Variants in HTRA3 observed in about 807,000 individuals in gnomAD.
HTRA3 encodes HtrA serine peptidase 3.
A neutral mutation model predicts 43.2 loss-of-function variants in HTRA3; 41 were observed. The ratio of observed to expected loss-of-function variants is 0.95; its 90% CI spans 0.74 to 1.23. The LOEUF is 1.23. Ranked by LOEUF, HTRA3 falls within the 50% of genes most tolerant of loss-of-function variation. The pLI, the probability that HTRA3 is intolerant of heterozygous loss-of-function variation, is 0.00. For missense variants in HTRA3, 628 were observed against 647.1 expected (o/e 0.97, Z 0.32); for synonymous variants, 295 against 287.9 (o/e 1.02, Z -0.25).
chr4:8,300,110 G>T (rs372394218), intron 6 of HTRA3, among the ~76,000 whole-genome samples: 1 of 152,340 alleles, frequency 6.6e-6, no homozygotes, highest in East Asian at 1.9e-4. Context: ...AGAGTGCTGG[G>T]ATTACAGGCA....
intron 6 of HTRA3, among the ~76,000 whole-genome samples, chr4:8,300,755 A>T (rs994361500): frequency 1.3e-5 from 2 of 151,906 alleles, no homozygotes; most frequent in Non-Finnish European, 2.9e-5. Context: ...ATTGATTCAC[A>T]CTCATCTTTA....
At chr4:8,282,041 G>A (rs1712767715) in intron 1 of HTRA3, among the ~76,000 whole-genome samples, 1 of 152,180 alleles carries the variant, frequency 6.6e-6, no homozygotes, top group Non-Finnish European at 1.5e-5. Flanking sequence ...TCCTGTAAGG[G>A]TATTGCTGTA....
chr4:8,273,979 C>T (rs1277956449), intron 1 of HTRA3, among the ~76,000 whole-genome samples: 2 of 152,116 alleles, frequency 1.3e-5, no homozygotes, highest in African/African-American at 4.8e-5. Context: ...TCCTGGGGCG[C>T]TCTGACTTCC....
rs1713408647 is a variant in HTRA3, at chr4:8,295,066, CCTTT to C, written c.1051+866_1051+869del. ...CCCACCTGGCCACCATTTCTTCCTT[CCTTT>C]ATTTTTTCCTTTCTTTTTTTCCTTC... On this transcript the variant is annotated intron_variant, in intron 6 of 8. Coordinates refer to ENST00000307358, the MANE Select transcript of HTRA3 (RefSeq NM_053044.5). This position sits in a 1 kb window ranked among gnomAD's most constrained non-coding sequence, Gnocchi z 6.9. 6.6e-6 allele frequency among the ~76,000 whole-genome samples: 1 copy of C among 151,638 alleles called. No individual in the cohort carries two copies. Among genetic ancestry groups the C allele is most frequent in the African/African-American group, 2.4e-5 (1 of 41,282 alleles).
intron 1 of HTRA3, among the ~76,000 whole-genome samples, chr4:8,273,656 C>T (rs954452543): frequency 7.9e-5 from 12 of 152,022 alleles, no homozygotes; most frequent in African/African-American, 2.2e-4. Context: ...TGAGCCGCCT[C>T]GGGCTCTACT....
chr4:8,302,036 C>G (rs1461902037), intron 6 of HTRA3, among the ~76,000 whole-genome samples: 2 of 152,170 alleles, frequency 1.3e-5, no homozygotes, highest in Admixed American at 1.3e-4. Flanking sequence ...ACTCACTGGA[C>G]ATTAGCAGCG....
chr4:8,287,329 C>T (rs969135615), intron 3 of HTRA3, among the ~76,000 whole-genome samples: 2 of 152,218 alleles, frequency 1.3e-5, no homozygotes, highest in African/African-American at 4.8e-5. Flanking sequence ...CTGCACTCCT[C>T]TAATTCTCAC....
Position 8,270,166 on chromosome 4 carries a change from G to T in HTRA3, c.198G>T (p.Leu66=), listed in dbSNP as rs917200961. The change falls in exon 1 of 9, where the codon CTG becomes CTT. Residue 66 remains leucine, a synonymous_variant. Coordinates refer to ENST00000307358, the MANE Select transcript of HTRA3 (RefSeq NM_053044.5). The part of the protein sequence containing the change: ...ASEGEPCGGP[L]DSPCGESLEC... ...AGGGCGAGCCCTGTGGCGGCCCTCT[G>T]GACTCGCCTTGCGGCGAGAGCCTGG... is the stretch of plus-strand genomic sequence containing the variant. The T allele has an allele frequency of 6.5e-7, 1 of 1,540,102 alleles. No homozygotes were observed. Among genetic ancestry groups the T allele is most frequent in the African/African-American group, 1.4e-5 (1 of 69,942 alleles).
chr4:8,293,242 G>A lies in HTRA3; in HGVS notation c.937-845G>A, dbSNP rs564307096. ...CCGTGCCCTGGTTTCAAGGAAGCTCGTGTGTGTGGTTTAGGCTGGAGGCCA... is the reference window on the plus strand; with the variant it reads ...CCGTGCCCTGGTTTCAAGGAAGCTCATGTGTGTGGTTTAGGCTGGAGGCCA... On this transcript the variant is annotated intron_variant, in intron 5 of 8. Transcript: ENST00000307358. Among the ~76,000 whole-genome samples the A allele has an allele frequency of 4.6e-5, 7 of 152,330 alleles. No homozygotes were observed. The South Asian group carries it at 8.3e-4, about 18-fold the overall frequency.
chr4:8,280,936 G>A (rs1355968579), intron 1 of HTRA3, among the ~76,000 whole-genome samples: 1 of 152,210 alleles, frequency 6.6e-6, no homozygotes. Context: ...AGGGCCTTGG[G>A]GAGCTGCAGG....
chr4:8,300,852 C>T (rs116784980), intron 6 of HTRA3, among the ~76,000 whole-genome samples: 1,757 of 151,334 alleles, frequency 0.012, 28 homozygotes, highest in African/African-American at 0.041. Context: ...CACTTTATTA[C>T]TGACTCACAC....
chr4:8,296,374 C>A lies in HTRA3; in HGVS notation c.1051+2173C>A. 1.0e-6 allele frequency: 1 copy of A among 985,458 alleles called. No homozygotes were observed. Among genetic ancestry groups the A allele is most frequent in the Non-Finnish European group, 1.2e-6 (1 of 829,948 alleles). The allele number at this position is 985,458 out of a possible 1,614,324, so 61.0% of individuals were successfully genotyped here. Reference sequence around the variant, plus strand: ...CAGACTAACTGAGGAGCCTGATAAACCTTAGCTGCATGGCACACTTGCAAT... The same window carrying A: ...CAGACTAACTGAGGAGCCTGATAAAACTTAGCTGCATGGCACACTTGCAAT... On this transcript the variant is annotated intron_variant, in intron 6 of 8. Transcript: ENST00000307358. The surrounding 1 kb of genome is among the most constrained non-coding windows in gnomAD (Gnocchi z 5.3).
At chr4:8,287,591 C>T (rs1241827879) in intron 3 of HTRA3, among the ~76,000 whole-genome samples, 1 of 152,060 alleles carries the variant, frequency 6.6e-6, no homozygotes, top group African/African-American at 2.4e-5. Context: ...CATTTTAAAA[C>T]CATCAGATCT....
chr4:8,270,192 A>G lies in HTRA3; in HGVS notation c.224A>G (p.Glu75Gly). The stretch of plus-strand genomic sequence containing the variant: ...GACTCGCCTTGCGGCGAGAGCCTGG[A>G]GTGCGTGCGCGGCCTATGCCGCTGC... Reference protein sequence around the residue: ...PLDSPCGESLECVRGLCRCRW... With the variant: ...PLDSPCGESLGCVRGLCRCRW... Residue 75 changes from glutamate to glycine, a missense_variant, in exon 1 of 9, where the codon GAG becomes GGG. Glu to Gly is a moderately conservative substitution (Grantham distance 98, BLOSUM62 -2). Coordinates refer to ENST00000307358, the MANE Select transcript of HTRA3 (RefSeq NM_053044.5). 6.5e-7 allele frequency: 1 copy of G among 1,540,842 alleles called. No individual in the cohort carries two copies. The highest frequency in any genetic ancestry group is 1.2e-5 in the South Asian group (1 of 84,464).
intron 1 of HTRA3, among the ~76,000 whole-genome samples, chr4:8,271,978 G>A (rs1381895096): frequency 1.3e-5 from 2 of 152,102 alleles, no homozygotes; most frequent in South Asian, 2.1e-4. Flanking sequence ...TGGAGACGTT[G>A]TCATTGACTC....
chr4:8,271,450 G>A (rs1049241722), intron 1 of HTRA3, among the ~76,000 whole-genome samples: 16 of 152,150 alleles, frequency 1.1e-4, no homozygotes, highest in Non-Finnish European at 1.0e-4. Context: ...CTCCCAGCAC[G>A]CTGGGGTTCC....
intron 1 of HTRA3, among the ~76,000 whole-genome samples, chr4:8,278,845 G>C (rs1712631988): frequency 6.6e-6 from 1 of 152,256 alleles, no homozygotes. Flanking sequence ...TGCTGCTTTT[G>C]TGAGGCTGCT....
At chr4:8,284,477 G>T (rs1279866513) in intron 2 of HTRA3, among the ~76,000 whole-genome samples, 3 of 152,214 alleles carry the variant, frequency 2.0e-5, no homozygotes, top group African/African-American at 7.2e-5. Flanking sequence ...AGATGAGACA[G>T]ATGCTTTTCC....
chr4:8,304,180 C>G lies in HTRA3; in HGVS notation c.1101-4C>G, dbSNP rs767895771. ...GAGGGGCCTTGACGGCAGACTCTTT[C>G]CAGCCTGGTGGATGAGCTGAAGGCC... On this transcript the variant is annotated splice_region_variant and splice_polypyrimidine_tract_variant and intron_variant, in intron 7 of 8. Transcript: ENST00000307358. 5 of 1,613,630 alleles carry G rather than the reference C, an allele frequency of 3.1e-6. No homozygotes were observed. The Middle Eastern group carries it at 5.0e-4, about 160-fold the overall frequency.
Sources: gnomAD v4.1 joint callset for allele counts (sites outside exome capture counted in the v4.1 genomes callset) on GRCh38, gnomAD v4.1.1 for gene constraint, Gnocchi (gnomAD v3.1) non-coding constraint, MANE v1.5 for transcripts, NCBI Gene and HGNC (gene_info 2026-07-23, HGNC 2026-07-21) for gene names.